The following AKR1B1 variants were observed in gnomAD, a reference collection of about 807,000 sequenced individuals.
The protein encoded by AKR1B1 is aldo-keto reductase family 1 member B, also known as aldo-keto reductase family 1 member B1.
In AKR1B1, 22 loss-of-function variants were observed where a neutral mutation model predicts 40.4. The observed-to-expected ratio is 0.54, with a 90% CI of 0.39 to 0.78. AKR1B1 has a LOEUF of 0.78. Ranked by LOEUF, AKR1B1 falls within the 30% of genes least tolerant of loss-of-function variation. The pLI is 0.00. For synonymous variants in AKR1B1, 157 were observed against 149.9 expected, an observed-to-expected ratio of 1.05 and a Z score of -0.35; for missense variants, 357 against 396.7, an observed-to-expected ratio of 0.90 and a Z score of 0.85.
At chr7:134,456,586 G>A (rs994235703) in intron 1 of AKR1B1, among the ~76,000 whole-genome samples, 5 of 150,144 alleles carry the variant, frequency 3.3e-5, no homozygotes, top group African/African-American at 4.9e-5. Context: ...ACCATTCCCC[G>A]CTGCCCCCAC....
chr7:134,448,882 A>G (rs1270631173), intron 5 of AKR1B1, 115 bp downstream of exon 5: 2 of 1,290,038 alleles, frequency 1.6e-6, no homozygotes, highest in African/African-American at 2.9e-5. Context: ...GACTCTGCCA[A>G]CACCCAGGAG....
At chr7:134,445,155 C>T in intron 9 of AKR1B1, 83 bp downstream of exon 9, 2 of 1,237,744 alleles carry the variant, frequency 1.6e-6, no homozygotes, top group Non-Finnish European at 2.3e-6. Context: ...CACATTGGCG[C>T]TGAGGCCTGC....
chr7:134,453,456 A>C (rs1333125029), intron 1 of AKR1B1, among the ~76,000 whole-genome samples: 1 of 152,082 alleles, frequency 6.6e-6, no homozygotes, highest in African/African-American at 2.4e-5. Flanking sequence ...TGGTGACAAC[A>C]TTTACAACCC....
In AKR1B1 at chr7:134,456,516, G is replaced by A. The variant is rs532450304; in HGVS notation, c.66+2481C>T. On this transcript the variant is annotated intron_variant, in intron 1 of 9. Transcript: ENST00000285930. ...GCCCGGCCCCAGGGAAAGGTTTTAA[G>A]TCATTAAAAAAAAAAAGGAAGTTGA... Among the ~76,000 whole-genome samples the A allele has an allele frequency of 4.6e-5, 7 of 151,030 alleles. No homozygotes were observed. In the South Asian group the frequency reaches 1.5e-3, roughly 32 times the overall value.
At chr7:134,445,342 C>A in intron 8 of AKR1B1, 22 bp from the exon 9 acceptor site, 1 of 1,593,858 alleles carries the variant, frequency 6.3e-7, no homozygotes, top group East Asian at 2.2e-5. Flanking sequence ...ACAAAAAAAT[C>A]CAGTAAGCTC....
At chr7:134,456,521 T>TA (rs3216673) in intron 1 of AKR1B1, among the ~76,000 whole-genome samples, 125 of 143,862 alleles carry the variant, frequency 8.7e-4, no homozygotes, top group Non-Finnish European at 9.4e-4. Context: ...TTTAAGTCAT[T>TA]AAAAAAAAAA....
chr7:134,459,181 A>T, upstream of AKR1B1: 1 of 1,295,840 alleles, frequency 7.7e-7, no homozygotes, highest in Non-Finnish European at 1.1e-6. Flanking sequence ...CCGCTGCGCG[A>T]AGGAGCCTTC....
chr7:134,447,780 G>A (rs1806148538), intron 7 of AKR1B1, 200 bp downstream of exon 7: 1 of 679,750 alleles, frequency 1.5e-6, no homozygotes, highest in East Asian at 2.7e-5. Context: ...CAGTAGTGGG[G>A]GCAGGCACTA....
At chr7:134,456,953 T>C (rs1211521451) in intron 1 of AKR1B1, among the ~76,000 whole-genome samples, 2 of 152,110 alleles carry the variant, frequency 1.3e-5, no homozygotes, top group South Asian at 2.1e-4. Context: ...CTGGACAACA[T>C]AGGGAAACCT....
At chr7:134,456,495 G>A (rs758730953) in intron 1 of AKR1B1, among the ~76,000 whole-genome samples, 71 of 151,566 alleles carry the variant, frequency 4.7e-4, no homozygotes, top group African/African-American at 1.4e-3. Context: ...CACCGCGCCC[G>A]GCCCCAGGGA....
At chr7:134,447,891 C>G (rs747340727) in intron 7 of AKR1B1, 89 bp downstream of exon 7, 10 of 1,150,788 alleles carry the variant, frequency 8.7e-6, no homozygotes, top group African/African-American at 3.0e-5. Flanking sequence ...GAGGGTGTAA[C>G]AGGCTCAGTC....
intron 3 of AKR1B1, 117 bp downstream of exon 3, chr7:134,450,669 T>C (rs143446963): frequency 1.2e-6 from 1 of 826,876 alleles, no homozygotes; most frequent in East Asian, 2.4e-5. Flanking sequence ...CCACTGGCTA[T>C]ACCTTGAGCA....
intron 1 of AKR1B1, among the ~76,000 whole-genome samples, chr7:134,453,101 G>T (rs996011715): frequency 1.3e-5 from 2 of 152,164 alleles, no homozygotes; most frequent in African/African-American, 4.8e-5. Context: ...AACCACCACT[G>T]ATGACAGCAG....
At chr7:134,458,888 C>T (rs1447399402) in intron 1 of AKR1B1, 109 bp downstream of exon 1, 2 of 1,311,104 alleles carry the variant, frequency 1.5e-6, no homozygotes, top group Non-Finnish European at 2.1e-6. Flanking sequence ...CCCAGCACGC[C>T]GGGCGTCCGC....
chr7:134,449,180 G>T, intron 4 of AKR1B1, 61 bp from the exon 5 acceptor site: 2 of 1,607,934 alleles, frequency 1.2e-6, no homozygotes, highest in Non-Finnish European at 1.7e-6. Context: ...GATCAGAAGT[G>T]TCGTTTGCAC....
chr7:134,450,972 C>G (rs1806268671), intron 2 of AKR1B1, 70 bp from the exon 3 acceptor site: 2 of 1,273,970 alleles, frequency 1.6e-6, no homozygotes, highest in African/African-American at 1.5e-5. Context: ...AAAGACAGAG[C>G]AGTCTCCTCT....
intron 1 of AKR1B1, among the ~76,000 whole-genome samples, chr7:134,456,240 C>A (rs1806467585): frequency 6.6e-6 from 1 of 152,096 alleles, no homozygotes; most frequent in Admixed American, 6.5e-5. Flanking sequence ...TGCTCCATCG[C>A]CCAGGCTGGA....
intron 1 of AKR1B1, among the ~76,000 whole-genome samples, chr7:134,456,368 T>A (rs1806472875): frequency 6.6e-6 from 1 of 151,770 alleles, no homozygotes; most frequent in Non-Finnish European, 1.5e-5. Flanking sequence ...CCGGGCTAAT[T>A]TTTTGTATTT....
intron 8 of AKR1B1, among the ~76,000 whole-genome samples, chr7:134,446,927 G>C (rs766391064): frequency 6.6e-6 from 1 of 152,224 alleles, no homozygotes; most frequent in African/African-American, 2.4e-5. Flanking sequence ...CTGAGGCATC[G>C]AGCAGTTAAG....
Sources: gnomAD v4.1 joint callset for allele counts (sites outside exome capture counted in the v4.1 genomes callset) on GRCh38, gnomAD v4.1.1 for gene constraint, MANE v1.5 for transcripts, NCBI Gene and HGNC (gene_info 2026-07-23, HGNC 2026-07-21) for gene names.